DGKG: variants seen among roughly 807,000 people sequenced by gnomAD.
The protein encoded by DGKG is DAG kinase gamma.
A neutral mutation model predicts 105.3 loss-of-function variants in DGKG; 78 were observed. The ratio of observed to expected loss-of-function variants is 0.74; its 90% CI spans 0.62 to 0.89. The LOEUF (loss-of-function observed/expected upper bound fraction) is 0.89. Ranked by LOEUF, DGKG falls within the 40% of genes least tolerant of loss-of-function variation. The probability of loss-of-function intolerance (pLI) is 0.00; values close to 1 mark genes in which losing one functional copy is unlikely to be tolerated. For synonymous variants in DGKG, 346 were observed against 367.1 expected (o/e 0.94, Z 0.66); for missense variants, 958 against 1,020.1 (o/e 0.94, Z 0.83).
intron 20 of DGKG, among the ~76,000 whole-genome samples, chr3:186,237,674 A>G (rs1720482396): frequency 2.6e-5 from 4 of 152,222 alleles, no homozygotes; most frequent in Admixed American, 2.6e-4. Flanking sequence ...TCTGGTATAC[A>G]TCAGTGCTTG....
chr3:186,313,817 A>G (rs1231789162), intron 2 of DGKG, among the ~76,000 whole-genome samples: 1 of 152,180 alleles, frequency 6.6e-6, no homozygotes, highest in Non-Finnish European at 1.5e-5. Context: ...AAACACATGT[A>G]GGTGAGAAAT....
intron 17 of DGKG, among the ~76,000 whole-genome samples, chr3:186,257,125 T>G (rs1031205365): frequency 6.6e-6 from 1 of 152,186 alleles, no homozygotes; most frequent in Non-Finnish European, 1.5e-5. Flanking sequence ...CAGGGCCCAG[T>G]CTCTGACTTT....
At chr3:186,287,094 CA>C (rs1404019174) in intron 6 of DGKG, among the ~76,000 whole-genome samples, 3 of 149,106 alleles carry the variant, frequency 2.0e-5, no homozygotes, top group African/African-American at 7.5e-5. Context: ...GAGAGGGATC[CA>C]AAAGATTAAA....
intron 1 of DGKG, among the ~76,000 whole-genome samples, chr3:186,330,772 T>C (rs78848518): frequency 0.02 from 2,977 of 152,294 alleles, 98 homozygotes; most frequent in African/African-American, 0.068. Context: ...AAGAAGCCAT[T>C]TGGGATTTCA....
At chr3:186,321,931 G>A (rs752174535) in intron 1 of DGKG, among the ~76,000 whole-genome samples, 2 of 152,134 alleles carry the variant, frequency 1.3e-5, no homozygotes, top group Admixed American at 6.5e-5. Context: ...CAGCCAGCTC[G>A]ACTCTGCTCC....
chr3:186,274,673 T>C (rs1338860199), intron 10 of DGKG, among the ~76,000 whole-genome samples: 1 of 151,902 alleles, frequency 6.6e-6, no homozygotes, highest in East Asian at 1.9e-4. Context: ...TTGCTCAGAA[T>C]GATGGTTTCC....
At chr3:186,239,899 C>CTTT (rs796306145) in intron 20 of DGKG, among the ~76,000 whole-genome samples, 2 of 136,438 alleles carry the variant, frequency 1.5e-5, no homozygotes, top group Non-Finnish European at 1.6e-5. Context: ...ACGCTACAAT[C>CTTT]TTTTTTTTTT....
chr3:186,206,588 C>G (rs1357384609), intron 21 of DGKG, among the ~76,000 whole-genome samples: 1 of 151,876 alleles, frequency 6.6e-6, no homozygotes, highest in Non-Finnish European at 1.5e-5. Flanking sequence ...GTGCCTCCCT[C>G]GCCCCACCCC....
At chr3:186,288,571 G>T in intron 6 of DGKG, 139 bp downstream of exon 6, 1 of 863,008 alleles carries the variant, frequency 1.2e-6, no homozygotes, top group Non-Finnish European at 1.8e-6. Context: ...TTGGTAACAG[G>T]ACAAAGAAAC....
At chr3:186,249,507 T>C (rs1721105025) in intron 19 of DGKG, among the ~76,000 whole-genome samples, 2 of 152,192 alleles carry the variant, frequency 1.3e-5, no homozygotes, top group Non-Finnish European at 1.5e-5. Context: ...TTTTTAGTCC[T>C]TTCTTCTCCC....
Position 186,361,005 on chromosome 3 carries a change from C to A in DGKG, c.-249+941G>T, listed in dbSNP as rs912797562. Among the ~76,000 whole-genome samples, 2 of 152,258 alleles carry A rather than the reference C, an allele frequency of 1.3e-5. No individual in the cohort carries two copies. The highest frequency in any genetic ancestry group is 4.8e-5 in the African/African-American group (2 of 41,472). ...TTCACAGCGCTCCCGGGCACCACTG[C>A]GGCGCAGCCACAGATCGCTTCGCGC... On this transcript the variant is annotated intron_variant, in intron 1 of 24. Coordinates refer to ENST00000265022, the MANE Select transcript of DGKG (RefSeq NM_001346.3). This position sits in a 1 kb window ranked among gnomAD's most constrained non-coding sequence, Gnocchi z 6.8.
chr3:186,345,810 C>T (rs1455813963), intron 1 of DGKG, among the ~76,000 whole-genome samples: 1 of 152,214 alleles, frequency 6.6e-6, no homozygotes, highest in East Asian at 1.9e-4. Flanking sequence ...CGCTCTGTCG[C>T]CCAGGCTGGA....
intron 20 of DGKG, among the ~76,000 whole-genome samples, chr3:186,219,430 A>G (rs1443676624): frequency 6.6e-6 from 1 of 152,252 alleles, no homozygotes; most frequent in African/African-American, 2.4e-5. Flanking sequence ...AAGAGGGGGC[A>G]GTGGCCCCTT....
intron 1 of DGKG, among the ~76,000 whole-genome samples, chr3:186,324,467 C>T (rs547128004): frequency 1.1e-4 from 16 of 151,162 alleles, no homozygotes; most frequent in Non-Finnish European, 2.1e-4. Flanking sequence ...TTGTTATTAT[C>T]ATCCAGTTGC....
rs1345172408 is a variant in DGKG, at chr3:186,284,261, C to T, written c.594+399G>A. On this transcript the variant is annotated intron_variant, in intron 7 of 24. Transcript: ENST00000265022. This position sits in a 1 kb window ranked among gnomAD's most constrained non-coding sequence, Gnocchi z 4.0. Reference sequence around the variant, plus strand: ...AGCAGCCTCCTTCCTTGCACATCAACAGTAACCAGCAGCCTCCTTCCTCGT... The same window carrying T: ...AGCAGCCTCCTTCCTTGCACATCAATAGTAACCAGCAGCCTCCTTCCTCGT... Among the ~76,000 whole-genome samples the T allele has an allele frequency of 1.3e-5, 2 of 152,146 alleles. No individual in the cohort carries two copies. The highest frequency in any genetic ancestry group is 4.8e-5 in the African/African-American group (2 of 41,430).
At chr3:186,180,174 A>G (rs1176907228) in intron 22 of DGKG, among the ~76,000 whole-genome samples, 1 of 151,974 alleles carries the variant, frequency 6.6e-6, no homozygotes, top group Non-Finnish European at 1.5e-5. Flanking sequence ...CAGCTTGGGC[A>G]ACAGGTGAGA....
At position 186,215,407 on chromosome 3, in the gene DGKG, A is replaced by G. The variant is rs560652529; in HGVS notation, c.1827-3522T>C. Among the ~76,000 whole-genome samples, 334 of 135,684 alleles carry G rather than the reference A, an allele frequency of 2.5e-3. 1 individual carries two copies. Among genetic ancestry groups the G allele is most frequent in the African/African-American group, 8.0e-3 (302 of 37,792 alleles). 89.0% of individuals were successfully genotyped at this position (135,684 alleles called of 152,430 possible). On this transcript the variant is annotated intron_variant, in intron 20 of 24. Coordinates refer to ENST00000265022, the MANE Select transcript of DGKG (RefSeq NM_001346.3). Reference sequence around the variant, plus strand: ...GCCTGGGTGATAGAGTGAGACCCCCATCTCCAAAAAAAAAAAAAAAAAAAA... The same window carrying G: ...GCCTGGGTGATAGAGTGAGACCCCCGTCTCCAAAAAAAAAAAAAAAAAAAA...
intron 1 of DGKG, among the ~76,000 whole-genome samples, chr3:186,333,794 G>A (rs960587117): frequency 6.6e-6 from 1 of 152,202 alleles, no homozygotes; most frequent in Non-Finnish European, 1.5e-5. Flanking sequence ...GCTTGGGCAG[G>A]TCTAGAAAGA....
intron 20 of DGKG, among the ~76,000 whole-genome samples, chr3:186,216,487 A>G (rs2108525129): frequency 6.6e-6 from 1 of 152,252 alleles, no homozygotes; most frequent in Admixed American, 6.5e-5. Context: ...AACATTTTAC[A>G]CACACCATCT....
Sources: gnomAD v4.1 joint callset for allele counts (sites outside exome capture counted in the v4.1 genomes callset) on GRCh38, gnomAD v4.1.1 for gene constraint, Gnocchi (gnomAD v3.1) non-coding constraint, MANE v1.5 for transcripts, NCBI Gene and HGNC (gene_info 2026-07-23, HGNC 2026-07-21) for gene names.